RNF216: variants seen among roughly 807,000 people sequenced by gnomAD.
The protein encoded by RNF216 is ring finger protein 216.
A neutral mutation model predicts 110.8 loss-of-function variants in RNF216; 72 were observed. The observed-to-expected ratio is 0.65, with a 90% CI of 0.54 to 0.79. The LOEUF (loss-of-function observed/expected upper bound fraction) is 0.79, where lower values mean the gene tolerates loss of function less well. RNF216 is among the 30% of genes least tolerant of loss of function. The probability of loss-of-function intolerance (pLI) is 0.00; values close to 1 mark genes in which losing one functional copy is unlikely to be tolerated. For missense variants in RNF216, 1,342 were observed against 1,141.2 expected, an observed-to-expected ratio of 1.18 and a Z score of -2.54; for synonymous variants, 495 against 407.5, an observed-to-expected ratio of 1.21 and a Z score of -2.59.
rs573487584 is a variant in RNF216, at chr7:5,623,588, T to C, written c.2453-409A>G. Among the ~76,000 whole-genome samples, 4 of 152,174 alleles carry C rather than the reference T, an allele frequency of 2.6e-5. No individual in the cohort carries two copies. In the South Asian group the frequency reaches 8.3e-4, roughly 32 times the overall value. ...TGCTGGGATTGCAGATGTGAGCCAC[T>C]GCACTTAGCCTCTTTTTTTTAAAGA... On this transcript the variant is annotated intron_variant, in intron 16 of 16. Coordinates refer to ENST00000389902, the MANE Select transcript of RNF216 (RefSeq NM_207111.4).
intron 14 of RNF216, among the ~76,000 whole-genome samples, chr7:5,642,516 AT>A (rs889280380): frequency 1.3e-5 from 2 of 149,946 alleles, no homozygotes; most frequent in Non-Finnish European, 3.0e-5. Context: ...TGCCTGGCCT[AT>A]TTTTTTTGAG....
chr7:5,774,413 T>C (rs910564782), intron 1 of RNF216, among the ~76,000 whole-genome samples: 3 of 152,216 alleles, frequency 2.0e-5, no homozygotes, highest in Admixed American at 6.5e-5. Context: ...CACTCCAGCA[T>C]AGGCGGCAGA....
intron 3 of RNF216, among the ~76,000 whole-genome samples, chr7:5,752,401 T>C (rs1795379137): frequency 6.6e-6 from 1 of 152,200 alleles, no homozygotes; most frequent in Non-Finnish European, 1.5e-5. Context: ...AAAATTGCTC[T>C]ATAAATATAA....
intron 9 of RNF216, among the ~76,000 whole-genome samples, chr7:5,718,911 G>A (rs150042182): frequency 1.3e-5 from 2 of 151,958 alleles, no homozygotes; most frequent in Admixed American, 1.3e-4. Context: ...GCCTGCCTTG[G>A]CCTCCCAAAG....
At chr7:5,732,912 A>T (rs534510349) in intron 5 of RNF216, 12 of 152,384 alleles carry the variant, frequency 7.9e-5, no homozygotes, top group African/African-American at 2.9e-4. Flanking sequence ...GCCTTCATCC[A>T]ACTGAAGCTG....
chr7:5,740,287 C>T (rs10275016), intron 4 of RNF216, among the ~76,000 whole-genome samples: 10,158 of 151,746 alleles, frequency 0.067, 1,140 homozygotes, highest in African/African-American at 0.23. Context: ...CCACCACGCC[C>T]GGCTAATTTT....
At chr7:5,659,907 G>T (rs1245942387) in intron 13 of RNF216, among the ~76,000 whole-genome samples, 1 of 151,636 alleles carries the variant, frequency 6.6e-6, no homozygotes. Flanking sequence ...GCTTCAGAAA[G>T]GGACTTTATT....
At chr7:5,660,265 C>CTTTTTTTTTTATTTT (rs1789024617) in intron 13 of RNF216, among the ~76,000 whole-genome samples, 1 of 33,604 alleles carries the variant, frequency 3.0e-5, no homozygotes. Context: ...GTTTTAAATT[C>CTTTTTTTTTTATTTT]TTTTTTTTTT....
At chr7:5,765,773 T>C (rs190710791) in intron 1 of RNF216, among the ~76,000 whole-genome samples, 4,299 of 129,892 alleles carry the variant, frequency 0.033, 78 homozygotes, top group Non-Finnish European at 0.047. Flanking sequence ...TGAAACCCCG[T>C]CTCTACTAAA....
At chr7:5,748,197 A>G (rs1166567658) in intron 3 of RNF216, among the ~76,000 whole-genome samples, 1 of 152,178 alleles carries the variant, frequency 6.6e-6, no homozygotes, top group Non-Finnish European at 1.5e-5. Flanking sequence ...CTACATATAG[A>G]TCTTAAACCA....
chr7:5,675,988 C>A (rs550524470), intron 13 of RNF216, among the ~76,000 whole-genome samples: 1 of 151,194 alleles, frequency 6.6e-6, no homozygotes, highest in African/African-American at 2.4e-5. Context: ...GGATTACAGG[C>A]GTGAGCTACT....
chr7:5,722,144 T>C (rs1793465988), intron 8 of RNF216, among the ~76,000 whole-genome samples: 2 of 152,162 alleles, frequency 1.3e-5, no homozygotes, highest in Non-Finnish European at 2.9e-5. Flanking sequence ...AGGCTGGTCT[T>C]GAAGTCCTGG....
rs751701167 is a variant in RNF216 at position 5,623,120 on chromosome 7, C to T, written c.2512G>A (p.Val838Met). ...GGAACGGGCCTCGGGAGGGCCTCCA[C>T]CCTCTGCACCTTCTCCACAGGCTTC... ...LEKPVEKVQR[V>M]EALPRPVPQN... The change falls in exon 17 of 17, where the codon GTG becomes ATG. Residue 838 changes from valine to methionine, a missense_variant. By Grantham distance (21) the Val-to-Met change is conservative. Transcript: ENST00000389902. 1.9e-6 allele frequency: 3 copies of T among 1,600,098 alleles called. No individual in the cohort carries two copies. The highest frequency in any genetic ancestry group is 3.4e-5 in the Admixed American group (2 of 59,530).
chr7:5,702,038 G>T (rs559486494), intron 13 of RNF216, among the ~76,000 whole-genome samples: 1 of 152,298 alleles, frequency 6.6e-6, no homozygotes, highest in South Asian at 2.1e-4. Context: ...CTAGGGATCA[G>T]GGAGGTCGGC....
intron 5 of RNF216, among the ~76,000 whole-genome samples, chr7:5,739,027 GA>G (rs1293752719): frequency 6.6e-6 from 1 of 152,190 alleles, no homozygotes; most frequent in Non-Finnish European, 1.5e-5. Flanking sequence ...CATATAGAAA[GA>G]AAGTAGGATG....
Position 5,679,043 on chromosome 7 carries a change from A to G in RNF216, c.2062-26533T>C, listed in dbSNP as rs1161083619. Reference sequence around the variant, plus strand: ...TAAAAGTTATTGAGTAAAGTTGTAAAATTTAAGAGTACAGAGATTAGATAC... The same window carrying G: ...TAAAAGTTATTGAGTAAAGTTGTAAGATTTAAGAGTACAGAGATTAGATAC... On this transcript the variant is annotated intron_variant, in intron 13 of 16. Coordinates refer to ENST00000389902, the MANE Select transcript of RNF216 (RefSeq NM_207111.4). Among the ~76,000 whole-genome samples, 3 of 152,362 alleles carry G rather than the reference A, an allele frequency of 2.0e-5. No homozygotes were observed. The Middle Eastern group carries it at 0.01, about 518-fold the overall frequency.
chr7:5,664,832 G>A (rs776297236), intron 13 of RNF216, among the ~76,000 whole-genome samples: 63 of 152,100 alleles, frequency 4.1e-4, no homozygotes, highest in Admixed American at 7.9e-4. Flanking sequence ...TTTTGCTCTT[G>A]TTGCCCAGGC....
intron 8 of RNF216, among the ~76,000 whole-genome samples, chr7:5,722,208 G>T (rs564360342): frequency 6.6e-6 from 1 of 152,294 alleles, no homozygotes; most frequent in South Asian, 2.1e-4. Flanking sequence ...ACAGGTGTGA[G>T]CCACAACGCC....
chr7:5,637,494 A>G (rs545260060), intron 15 of RNF216, among the ~76,000 whole-genome samples: 1 of 152,330 alleles, frequency 6.6e-6, no homozygotes, highest in South Asian at 2.1e-4. Flanking sequence ...ACACCTGGTT[A>G]CCACAGAGGA....
Sources: allele counts gnomAD v4.1 joint callset (sites outside exome capture counted in the v4.1 genomes callset), GRCh38; gene constraint gnomAD v4.1.1; transcripts MANE v1.5; gene names NCBI Gene and HGNC (gene_info 2026-07-23, HGNC 2026-07-21).